Variants in CDH18 observed in about 807,000 individuals in gnomAD.
The protein encoded by CDH18 is cadherin 18, also known as cadherin-18.
In CDH18, 31 loss-of-function variants were observed where a neutral mutation model predicts 67.9. The ratio of observed to expected loss-of-function variants is 0.46; its 90% CI spans 0.34 to 0.62. CDH18 has a LOEUF of 0.62. Among genes scored for constraint, CDH18 ranks in the 20% least tolerant of loss-of-function variants. CDH18 has a pLI of 0.01. For missense variants in CDH18, 890 were observed against 975.5 expected, an observed-to-expected ratio of 0.91 and a Z score of 1.17; for synonymous variants, 362 against 347.2, an observed-to-expected ratio of 1.04 and a Z score of -0.48.
intron 2 of CDH18, among the ~76,000 whole-genome samples, chr5:19,917,763 C>T (rs146827517): frequency 2.0e-5 from 3 of 152,190 alleles, no homozygotes; most frequent in East Asian, 1.9e-4. Context: ...CTCAGTAACT[C>T]GAAGAGTGTT....
At chr5:20,233,478 T>A (rs1311277982) in intron 2 of CDH18, among the ~76,000 whole-genome samples, 2 of 151,966 alleles carry the variant, frequency 1.3e-5, no homozygotes, top group Non-Finnish European at 2.9e-5. Flanking sequence ...GTTAGCACTA[T>A]AAATAATATT....
In CDH18 at chr5:19,913,331, T is replaced by C. The variant is rs533994111; in HGVS notation, c.-257+67729A>G. On this transcript the variant is annotated intron_variant, in intron 2 of 12. Transcript: ENST00000382275. ...TAAAGCATATCTGTTGATGTAATTG[T>C]TATCCTTGTGTTTTTTAGAAGGAAT... Among the ~76,000 whole-genome samples, 5 of 152,280 alleles carry C rather than the reference T, an allele frequency of 3.3e-5. No individual in the cohort carries two copies. In the South Asian group the frequency reaches 1.0e-3, roughly 32 times the overall value.
chr5:20,295,726 CA>C (rs922097290), intron 1 of CDH18, among the ~76,000 whole-genome samples: 126 of 121,784 alleles, frequency 1.0e-3, no homozygotes, highest in Admixed American at 1.0e-3. Context: ...GACTCTGTCT[CA>C]AAAAAAAAAA....
intron 2 of CDH18, among the ~76,000 whole-genome samples, chr5:20,017,023 A>G (rs940905716): frequency 1.3e-5 from 2 of 152,202 alleles, no homozygotes; most frequent in African/African-American, 2.4e-5. Flanking sequence ...GAGTCTCCAC[A>G]TTAAGTCAAA....
At chr5:20,531,126 A>G (rs1167424256) in intron 1 of CDH18, among the ~76,000 whole-genome samples, 1 of 152,116 alleles carries the variant, frequency 6.6e-6, no homozygotes, top group African/African-American at 2.4e-5. Flanking sequence ...TGGCCAACAA[A>G]CATATGAAAA....
rs116053881 is a variant in CDH18, at chr5:20,067,625, A to T, written c.-517-75611T>A. Among the ~76,000 whole-genome samples, 1,404 of 152,196 alleles carry T rather than the reference A, an allele frequency of 9.2e-3. 23 individuals are homozygous for T. Among genetic ancestry groups the T allele is most frequent in the African/African-American group, 0.032 (1,336 of 41,566 alleles). On this transcript the variant is annotated intron_variant, in intron 2 of 14. Transcript: ENST00000507958. ...AATCTCAAACTAATTACGAATTCAG[A>T]CTCACAGTGTACTGTAGCAAAGCTA... is the stretch of plus-strand genomic sequence containing the variant.
rs543537506 is a variant in CDH18, at chr5:20,059,441, T to C, written c.-517-67427A>G. On this transcript the variant is annotated intron_variant, in intron 2 of 14. Transcript: ENST00000507958. ...TGTTAGGGTATCAATTTTAGATCTT[T>C]CCTGCTTTCTCCTGTGGGCATTTAG... Among the ~76,000 whole-genome samples, 7 of 152,168 alleles carry C rather than the reference T, an allele frequency of 4.6e-5. No homozygotes were observed. The South Asian group carries it at 8.3e-4, about 18-fold the overall frequency.
At chr5:19,632,645 T>C (rs1344618217) in intron 5 of CDH18, among the ~76,000 whole-genome samples, 2 of 152,234 alleles carry the variant, frequency 1.3e-5, no homozygotes, top group Non-Finnish European at 2.9e-5. Flanking sequence ...GGTATGCGCA[T>C]AATTATGAAT....
chr5:19,749,620 G>T (rs1770571449), intron 3 of CDH18, among the ~76,000 whole-genome samples: 1 of 150,660 alleles, frequency 6.6e-6, no homozygotes, highest in African/African-American at 2.4e-5. Flanking sequence ...AAGAAGAATA[G>T]GCTTAAGTGT....
intron 2 of CDH18, among the ~76,000 whole-genome samples, chr5:20,192,436 C>T (rs1372599487): frequency 6.6e-6 from 1 of 152,024 alleles, no homozygotes; most frequent in Non-Finnish European, 1.5e-5. Context: ...ATGCTTATGT[C>T]CTGAATGGTA....
intron 1 of CDH18, among the ~76,000 whole-genome samples, chr5:20,383,715 A>G (rs951382921): frequency 6.6e-6 from 1 of 152,164 alleles, no homozygotes; most frequent in Non-Finnish European, 1.5e-5. Flanking sequence ...AAACCAAAGA[A>G]AAGTGACAAG....
chr5:20,375,616 T>A (rs1432921767), intron 1 of CDH18, among the ~76,000 whole-genome samples: 2 of 152,198 alleles, frequency 1.3e-5, no homozygotes, highest in African/African-American at 4.8e-5. Flanking sequence ...CGCCTTTGCA[T>A]CAACTTCCTG....
chr5:20,552,876 TC>T (rs1335393405), intron 1 of CDH18, among the ~76,000 whole-genome samples: 1 of 152,090 alleles, frequency 6.6e-6, no homozygotes, highest in East Asian at 1.9e-4. Flanking sequence ...TGTCTCAGCC[TC>T]CTGAGTAGCC....
Position 19,591,034 on chromosome 5 carries a change from C to T in CDH18, c.999+23G>A, listed in dbSNP as rs777085926. The stretch of plus-strand genomic sequence containing the variant: ...GAAAAGATGAGTGAGTTGCCTGAAT[C>T]ACAAAAAGTATGTTCTTTTTACCTT... On this transcript the variant is annotated intron_variant, in intron 7 of 12. Transcript: ENST00000382275. The T allele has an allele frequency of 6.1e-6, 9 of 1,487,348 alleles. No homozygotes were observed. In the Admixed American group the frequency reaches 1.8e-4, roughly 30 times the overall value. The allele number at this position is 1,487,348 out of a possible 1,614,324, so 92.1% of individuals were successfully genotyped here.
chr5:20,186,044 A>G (rs1382939439), intron 2 of CDH18, among the ~76,000 whole-genome samples: 2 of 152,176 alleles, frequency 1.3e-5, no homozygotes, highest in East Asian at 3.9e-4. Context: ...ATGAAGACTC[A>G]TCTGTTGAAT....
rs547800451 is a variant in CDH18 at position 20,267,242 on chromosome 5, G to C, written c.-579-11737C>G. Among the ~76,000 whole-genome samples, 25 of 152,256 alleles carry C rather than the reference G, an allele frequency of 1.6e-4. No homozygotes were observed. In the South Asian group the frequency reaches 5.2e-3, roughly 32 times the overall value. Reference sequence around the variant, plus strand: ...ATCTTTGTCAAAGGTCACTTAACTGGAAATATGTGGCTCCATTTCTGGATT... The same window carrying C: ...ATCTTTGTCAAAGGTCACTTAACTGCAAATATGTGGCTCCATTTCTGGATT... On this transcript the variant is annotated intron_variant, in intron 1 of 14. Coordinates refer to the CDH18 transcript ENST00000507958.
intron 1 of CDH18, among the ~76,000 whole-genome samples, chr5:20,456,192 A>G (rs1472456915): frequency 1.3e-5 from 2 of 152,126 alleles, no homozygotes; most frequent in Non-Finnish European, 2.9e-5. Context: ...CACGACATGT[A>G]AATATTTGCA....
At chr5:19,950,022 C>G (rs565306249) in intron 2 of CDH18, among the ~76,000 whole-genome samples, 1 of 150,550 alleles carries the variant, frequency 6.6e-6, no homozygotes, top group East Asian at 2.0e-4. Context: ...CATTGGTATA[C>G]TACTAAATAT....
intron 2 of CDH18, among the ~76,000 whole-genome samples, chr5:20,132,019 C>T (rs115057404): frequency 0.017 from 2,661 of 152,140 alleles, 78 homozygotes; most frequent in African/African-American, 0.06. Flanking sequence ...TCCCAAGTAG[C>T]TGAGATTACA....
Sources: allele counts gnomAD v4.1 joint callset (sites outside exome capture counted in the v4.1 genomes callset), GRCh38; gene constraint gnomAD v4.1.1; transcripts MANE v1.5; gene names NCBI Gene and HGNC (gene_info 2026-07-23, HGNC 2026-07-21).